ARHGEF11: variants seen among roughly 807,000 people sequenced by gnomAD.
ARHGEF11 encodes the protein Rho guanine exchange factor (GEF) 11.
Under a neutral mutation model 193.7 loss-of-function variants are expected in ARHGEF11, and 55 were observed. That is an observed-to-expected ratio of 0.28 (90% CI 0.23 to 0.36). The LOEUF (loss-of-function observed/expected upper bound fraction) is 0.36, where lower values mean the gene tolerates loss of function less well. Ranked by LOEUF, ARHGEF11 falls within the 10% of genes least tolerant of loss-of-function variation. The pLI is 1.00. For synonymous variants in ARHGEF11, 693 were observed against 768.0 expected (o/e 0.90, Z 1.62); for missense variants, 1,723 against 2,005.6 (o/e 0.86, Z 2.69).
At chr1:156,963,480 A>C (rs752163294) in intron 12 of ARHGEF11, 40 bp downstream of exon 12, 18 of 1,472,728 alleles carry the variant, frequency 1.2e-5, no homozygotes, top group South Asian at 3.6e-5. Flanking sequence ...CTTGTATGAC[A>C]AAAAAAAATG....
intron 33 of ARHGEF11, among the ~76,000 whole-genome samples, chr1:156,942,409 G>A (rs1421530005): frequency 6.6e-6 from 1 of 152,208 alleles, no homozygotes; most frequent in East Asian, 1.9e-4. Context: ...AATCTAATCT[G>A]CCTAATGGTG....
chr1:157,039,389 A>G (rs1450623064), intron 1 of ARHGEF11, among the ~76,000 whole-genome samples: 2 of 152,238 alleles, frequency 1.3e-5, no homozygotes, highest in Non-Finnish European at 2.9e-5. Flanking sequence ...TCATTCACCC[A>G]GCTGCTAACA....
At chr1:156,965,589 C>CCT (rs1479230994) in intron 11 of ARHGEF11, among the ~76,000 whole-genome samples, 1 of 152,196 alleles carries the variant, frequency 6.6e-6, no homozygotes, top group Non-Finnish European at 1.5e-5. Context: ...CCACCTTTCC[C>CCT]CTCCACATTG....
intron 39 of ARHGEF11, 49 bp from the exon 40 acceptor site, chr1:156,937,054 G>A: frequency 6.3e-6 from 10 of 1,594,454 alleles, no homozygotes; most frequent in Non-Finnish European, 7.7e-6. Context: ...CTATTCCTAA[G>A]GCCCCTGGGG....
At chr1:156,998,813 C>T (rs1666869433) in intron 1 of ARHGEF11, among the ~76,000 whole-genome samples, 1 of 152,206 alleles carries the variant, frequency 6.6e-6, no homozygotes, top group African/African-American at 2.4e-5. Context: ...TTGCTTTTGT[C>T]ACGGAGTCCT....
intron 20 of ARHGEF11, 45 bp downstream of exon 20, chr1:156,955,658 C>T: frequency 6.7e-7 from 1 of 1,484,704 alleles, no homozygotes; most frequent in Non-Finnish European, 9.4e-7. Context: ...GGGCTGAGGT[C>T]CCTGCCCAAG....
chr1:156,948,879 C>CAA lies in ARHGEF11; in HGVS notation c.1926-383_1926-382dup. The CAA allele has an allele frequency of 1.0e-6, 1 of 985,436 alleles. No homozygotes were observed. The highest frequency in any genetic ancestry group is 1.2e-6 in the Non-Finnish European group (1 of 829,916). 61.0% of individuals were successfully genotyped at this position (985,436 alleles called of 1,614,324 possible). On this transcript the variant is annotated intron_variant, in intron 22 of 40. Coordinates refer to ENST00000368194, the MANE Select transcript of ARHGEF11 (RefSeq NM_198236.3). The surrounding 1 kb of genome is among the most constrained non-coding windows in gnomAD (Gnocchi z 4.2). ...CATCATCGTCCCTCAACAGGGAACACAAGGTCCCAGCTCCCTGCCCCTAGT... is the reference window on the plus strand; with the variant it reads ...CATCATCGTCCCTCAACAGGGAACACAAAAGGTCCCAGCTCCCTGCCCCTAGT...
In ARHGEF11 at chr1:156,937,457, T is replaced by C; in HGVS notation, c.4232A>G (p.Asp1411Gly). ...TGCCTCTGAGTGGTCGGTGCTTGAG[T>C]CCGGGGGTCCTGATGGCATGCTGAC... The part of the protein sequence containing the change: ...FYVSMPSGPP[D>G]SSTDHSEAPM... Residue 1411 changes from aspartate (D) to glycine (G), a missense_variant, in exon 39 of 41, where the codon GAC becomes GGC. By Grantham distance (94) the Asp-to-Gly change is moderately conservative. This residue lies in a region of ARHGEF11 where 360 missense variants were observed against 344.4 expected (regional missense o/e 1.05). Transcript: ENST00000368194. 6.5e-7 allele frequency: 1 copy of C among 1,542,572 alleles called. No individual in the cohort carries two copies. Among genetic ancestry groups the C allele is most frequent in the Non-Finnish European group, 8.7e-7 (1 of 1,147,966 alleles).
At chr1:156,937,868 G>A (rs996082380) in intron 38 of ARHGEF11, among the ~76,000 whole-genome samples, 6 of 152,210 alleles carry the variant, frequency 3.9e-5, no homozygotes. Flanking sequence ...CTCTTGCCCT[G>A]CCTGACTCCA....
At chr1:156,952,345 T>G (rs1408656302) in intron 21 of ARHGEF11, among the ~76,000 whole-genome samples, 2 of 151,992 alleles carry the variant, frequency 1.3e-5, no homozygotes, top group Non-Finnish European at 1.5e-5. Context: ...GGGCAGATGG[T>G]AGAGTGAAAA....
chr1:156,963,333 G>A, intron 12 of ARHGEF11, 29 bp from the exon 13 acceptor site: 1 of 1,597,046 alleles, frequency 6.3e-7, no homozygotes, highest in South Asian at 1.1e-5. Flanking sequence ...AGCATGGTGG[G>A]AAGCCGGGCA....
At chr1:157,002,250 AAC>A (rs1172443891) in intron 1 of ARHGEF11, among the ~76,000 whole-genome samples, 1 of 152,170 alleles carries the variant, frequency 6.6e-6, no homozygotes, top group East Asian at 1.9e-4. Flanking sequence ...TAGTCCACAA[AAC>A]ACAATCTCCA....
In ARHGEF11 at chr1:156,946,653, A is replaced by AGGGG. The variant is rs1658188681; in HGVS notation, c.2694+8_2694+9insCCCC. 3 of 1,612,756 alleles carry AGGGG rather than the reference A, an allele frequency of 1.9e-6. No homozygotes were observed. In the East Asian group the frequency reaches 6.7e-5, roughly 36 times the overall value. On this transcript the variant is annotated intron_variant, in intron 28 of 40. Transcript: ENST00000368194. Reference sequence around the variant, plus strand: ...ATGAAGGAAGGCCAAGGCATGGCCAAGGACGCACCTGCATGAAGAGCTGGA... The same window carrying AGGGG: ...ATGAAGGAAGGCCAAGGCATGGCCAAGGGGGGACGCACCTGCATGAAGAGCTGGA...
chr1:156,979,136 T>C (rs1243888226), intron 5 of ARHGEF11, 93 bp downstream of exon 5: 2 of 1,225,662 alleles, frequency 1.6e-6, no homozygotes, highest in Non-Finnish European at 2.4e-6. Flanking sequence ...AAAGGAAACC[T>C]CCTGGAATGC....
chr1:157,024,612 T>A (rs1375261066), intron 1 of ARHGEF11, among the ~76,000 whole-genome samples: 1 of 152,178 alleles, frequency 6.6e-6, no homozygotes, highest in African/African-American at 2.4e-5. Flanking sequence ...GTGCCCAGCC[T>A]GCTATGCTAT....
rs1446455730 is a variant in ARHGEF11, at chr1:156,947,964, A to T, written c.2154-8T>A. On this transcript the variant is annotated splice_polypyrimidine_tract_variant and splice_region_variant and intron_variant, in intron 24 of 40. Transcript: ENST00000368194. Reference sequence around the variant, plus strand: ...CTGGGGGACTCAATGCTCCTGGGGGAAAACAGGCAGCTCAGCTTCATTTAG... The same window carrying T: ...CTGGGGGACTCAATGCTCCTGGGGGTAAACAGGCAGCTCAGCTTCATTTAG... 1.9e-6 allele frequency: 3 copies of T among 1,610,978 alleles called. No individual in the cohort carries two copies. The African/African-American group carries it at 4.0e-5, about 22-fold the overall frequency.
At chr1:156,996,340 G>A (rs1411824574) in intron 1 of ARHGEF11, among the ~76,000 whole-genome samples, 3 of 152,138 alleles carry the variant, frequency 2.0e-5, no homozygotes, top group Non-Finnish European at 2.9e-5. Context: ...AGAAATCAGA[G>A]AGGAGGTGGA....
At chr1:156,950,993 G>A (rs1390951935) in intron 22 of ARHGEF11, among the ~76,000 whole-genome samples, 1 of 152,188 alleles carries the variant, frequency 6.6e-6, no homozygotes, top group African/African-American at 2.4e-5. Flanking sequence ...TATGAGAGAT[G>A]CCAGTCTCAA....
At chr1:156,951,780 G>C (rs1329224635) in intron 21 of ARHGEF11, 81 bp from the exon 22 acceptor site, 1 of 1,581,340 alleles carries the variant, frequency 6.3e-7, no homozygotes, top group African/African-American at 1.3e-5. Flanking sequence ...CCAGATCCCA[G>C]AAGACAGAGC....
Sources: gnomAD v4.1 joint callset for allele counts (sites outside exome capture counted in the v4.1 genomes callset) on GRCh38, gnomAD v4.1.1 for gene constraint, gnomAD v4.1.1 regional missense constraint, Gnocchi (gnomAD v3.1) non-coding constraint, MANE v1.5 for transcripts, NCBI Gene and HGNC (gene_info 2026-07-23, HGNC 2026-07-21) for gene names.